The following PTPRD variants were observed in gnomAD, a reference collection of about 807,000 sequenced individuals.
PTPRD encodes protein tyrosine phosphatase receptor type D, also known as receptor-type tyrosine-protein phosphatase delta.
A neutral mutation model predicts 214.5 loss-of-function variants in PTPRD; 34 were observed. The ratio of observed to expected loss-of-function variants is 0.16; its 90% CI spans 0.12 to 0.21. The LOEUF is 0.21. Among genes scored for constraint, PTPRD ranks in the 10% least tolerant of loss-of-function variants. The pLI is 1.00. For synonymous variants in PTPRD, 1,128 were observed against 845.7 expected, an observed-to-expected ratio of 1.33 and a Z score of -5.79; for missense variants, 2,545 against 2,398.7, an observed-to-expected ratio of 1.06 and a Z score of -1.27.
At chr9:8,936,716 T>G (rs59753600) in intron 11 of PTPRD, among the ~76,000 whole-genome samples, 1 of 152,178 alleles carries the variant, frequency 6.6e-6, no homozygotes, top group African/African-American at 2.4e-5. Context: ...TGGCTTAATT[T>G]TATAAGCCTG....
chr9:8,496,497 A>G (rs554761036), intron 26 of PTPRD, among the ~76,000 whole-genome samples: 3 of 152,228 alleles, frequency 2.0e-5, no homozygotes, highest in Non-Finnish European at 2.9e-5. Context: ...TGGCATATAC[A>G]TAACAGTCCC....
intron 4 of PTPRD, among the ~76,000 whole-genome samples, chr9:9,989,744 C>T (rs1432505986): frequency 6.6e-6 from 1 of 152,190 alleles, no homozygotes; most frequent in Non-Finnish European, 1.5e-5. Flanking sequence ...TAAAAGAGTG[C>T]ACTGTGACAC....
Position 10,057,171 on chromosome 9 carries a change from C to T in PTPRD, c.-544-23381G>A, listed in dbSNP as rs548888183. ...TTTCTGAGATGCTGTGGCTGTGAAT[C>T]ATAAAGTTCTGGAAGGCTGTACAAT... is the stretch of plus-strand genomic sequence containing the variant. On this transcript the variant is annotated intron_variant, in intron 3 of 45. Transcript: ENST00000381196. 2.0e-5 allele frequency among the ~76,000 whole-genome samples: 3 copies of T among 152,222 alleles called. No individual in the cohort carries two copies. In the East Asian group the frequency reaches 5.8e-4, roughly 29 times the overall value.
At chr9:9,904,807 GAA>G (rs1555309098) in intron 5 of PTPRD, among the ~76,000 whole-genome samples, 1 of 151,984 alleles carries the variant, frequency 6.6e-6, no homozygotes, top group Non-Finnish European at 1.5e-5. Context: ...GACATTCACC[GAA>G]GTTTTGTTCA....
At chr9:8,758,721 T>G (rs774249538) in intron 11 of PTPRD, among the ~76,000 whole-genome samples, 6 of 152,188 alleles carry the variant, frequency 3.9e-5, no homozygotes, top group Non-Finnish European at 8.8e-5. Context: ...CAAACATTTC[T>G]TGTTTGAGAG....
Position 9,123,566 on chromosome 9 carries a change from A to G in PTPRD, c.-143+59738T>C, listed in dbSNP as rs565415277. Among the ~76,000 whole-genome samples, 106 of 152,240 alleles carry G rather than the reference A, an allele frequency of 7.0e-4. 1 individual carries two copies. The highest frequency in any genetic ancestry group is 2.2e-3 in the African/African-American group (90 of 41,542). On this transcript the variant is annotated intron_variant, in intron 10 of 45. Coordinates refer to ENST00000381196, the MANE Select transcript of PTPRD (RefSeq NM_002839.4). ...AACATTTTTTTTTTCCAATGGCATCAAGAAAGCCACATGTTGTTAGCAAAG... is the reference window on the plus strand; with the variant it reads ...AACATTTTTTTTTTCCAATGGCATCGAGAAAGCCACATGTTGTTAGCAAAG...
chr9:9,234,058 G>C (rs1459535682), intron 9 of PTPRD, among the ~76,000 whole-genome samples: 1 of 152,172 alleles, frequency 6.6e-6, no homozygotes, highest in Non-Finnish European at 1.5e-5. Flanking sequence ...TTTCCCTTCT[G>C]CACTGCCCTA....
At chr9:10,060,803 C>CTTCCTTT (rs1555531077) in intron 3 of PTPRD, among the ~76,000 whole-genome samples, 4 of 103,232 alleles carry the variant, frequency 3.9e-5, no homozygotes, top group East Asian at 5.6e-4. Context: ...TTTCTTTCTT[C>CTTCCTTT]CTTTCTTTCT....
At chr9:10,357,083 TTA>T (rs2097293161) in intron 2 of PTPRD, among the ~76,000 whole-genome samples, 1 of 152,170 alleles carries the variant, frequency 6.6e-6, no homozygotes, top group Non-Finnish European at 1.5e-5. Flanking sequence ...ATATTAGTGT[TTA>T]TGTCTTTAAA....
intron 6 of PTPRD, among the ~76,000 whole-genome samples, chr9:9,748,761 G>A (rs1016615812): frequency 2.0e-5 from 3 of 152,088 alleles, no homozygotes; most frequent in African/African-American, 7.2e-5. Flanking sequence ...TGATTTGACT[G>A]GATTTTTACA....
At chr9:8,751,946 C>A (rs574246915) in intron 11 of PTPRD, among the ~76,000 whole-genome samples, 6 of 152,276 alleles carry the variant, frequency 3.9e-5, no homozygotes, top group African/African-American at 1.4e-4. Context: ...TTTCTACATG[C>A]CTTGGCCAAA....
chr9:9,513,287 G>A (rs950195117), intron 8 of PTPRD, among the ~76,000 whole-genome samples: 2 of 151,936 alleles, frequency 1.3e-5, no homozygotes, highest in Non-Finnish European at 2.9e-5. Context: ...CACACAGTGT[G>A]ATAAAAATGT....
intron 11 of PTPRD, among the ~76,000 whole-genome samples, chr9:8,982,541 T>TAA (rs542313216): frequency 3.1e-5 from 4 of 128,514 alleles, no homozygotes; most frequent in African/African-American, 8.6e-5. Context: ...GAATCTTACT[T>TAA]AAAAAAAAAA....
At chr9:9,768,912 C>G (rs1597279096) in intron 5 of PTPRD, among the ~76,000 whole-genome samples, 2 of 152,280 alleles carry the variant, frequency 1.3e-5, no homozygotes, top group Non-Finnish European at 2.9e-5. Flanking sequence ...GCACATCTCT[C>G]TAGCCATTAG....
intron 10 of PTPRD, among the ~76,000 whole-genome samples, chr9:9,142,774 A>T (rs768132260): frequency 3.3e-5 from 5 of 152,108 alleles, no homozygotes; most frequent in Non-Finnish European, 7.4e-5. Flanking sequence ...AAGTATTTTC[A>T]CATACCCCAT....
At chr9:9,830,930 T>A (rs776410613) in intron 5 of PTPRD, among the ~76,000 whole-genome samples, 1 of 151,946 alleles carries the variant, frequency 6.6e-6, no homozygotes, top group African/African-American at 2.4e-5. Context: ...ATTGTAGGTA[T>A]CAGACCCTCA....
intron 7 of PTPRD, among the ~76,000 whole-genome samples, chr9:9,594,882 G>T (rs950504920): frequency 4.0e-5 from 6 of 151,816 alleles, no homozygotes; most frequent in Admixed American, 3.9e-4. Context: ...AAACAAATCA[G>T]CAAGAAAAAA....
intron 11 of PTPRD, among the ~76,000 whole-genome samples, chr9:8,938,041 T>C (rs2099009034): frequency 6.6e-6 from 1 of 152,124 alleles, no homozygotes; most frequent in Admixed American, 6.6e-5. Flanking sequence ...AAGTTTACAG[T>C]TTAGAAAAGG....
At chr9:9,309,242 G>C (rs1248106553) in intron 9 of PTPRD, among the ~76,000 whole-genome samples, 1 of 147,076 alleles carries the variant, frequency 6.8e-6, no homozygotes, top group African/African-American at 2.5e-5. Context: ...ATTTTTCTTT[G>C]CTCTCCCCTA....
Sources: allele counts gnomAD v4.1 joint callset (sites outside exome capture counted in the v4.1 genomes callset), GRCh38; gene constraint gnomAD v4.1.1; transcripts MANE v1.5; gene names NCBI Gene and HGNC (gene_info 2026-07-23, HGNC 2026-07-21).